Variants in GRM7 observed in about 807,000 individuals in gnomAD.
GRM7 encodes glutamate metabotropic receptor 7.
In GRM7, 35 loss-of-function variants were observed where a neutral mutation model predicts 84.5. The ratio of observed to expected loss-of-function variants is 0.41; its 90% confidence interval spans 0.32 to 0.55. The LOEUF (loss-of-function observed/expected upper bound fraction) is 0.55, where lower values mean the gene tolerates loss of function less well. GRM7 is among the 20% of genes least tolerant of loss of function. The probability of loss-of-function intolerance (pLI) is 0.19; values close to 1 mark genes in which losing one functional copy is unlikely to be tolerated. For synonymous variants in GRM7, 487 were observed against 455.1 expected, an observed-to-expected ratio of 1.07 and a Z score of -0.89; for missense variants, 1,003 against 1,194.6, an observed-to-expected ratio of 0.84 and a Z score of 2.36.
chr3:7,714,651 C>T (rs1270591294), intron 9 of GRM7, among the ~76,000 whole-genome samples: 1 of 152,164 alleles, frequency 6.6e-6, no homozygotes, highest in African/African-American at 2.4e-5. Context: ...CCCAATCTGC[C>T]TAATGCTGAC....
At position 7,188,321 on chromosome 3, in the gene GRM7, G is replaced by A. The variant is rs946750181; in HGVS notation, c.736+41653G>A. Among the ~76,000 whole-genome samples the A allele has an allele frequency of 2.0e-5, 3 of 152,024 alleles. No individual in the cohort carries two copies. The highest frequency in any genetic ancestry group is 4.4e-5 in the Non-Finnish European group (3 of 68,008). On this transcript the variant is annotated intron_variant, in intron 2 of 9. Coordinates refer to ENST00000357716, the MANE Select transcript of GRM7 (RefSeq NM_000844.4). The surrounding 1 kb of genome is among the most constrained non-coding windows in gnomAD (Gnocchi z 4.2). The stretch of plus-strand genomic sequence containing the variant: ...ATAGACCCAAAGAACTTTATAGGTA[G>A]GTATGTTATATAATATAATCTGTAA...
intron 8 of GRM7, among the ~76,000 whole-genome samples, chr3:7,641,532 C>A (rs1479038126): frequency 3.3e-5 from 5 of 152,076 alleles, no homozygotes; most frequent in Non-Finnish European, 5.9e-5. Flanking sequence ...ACTTTGGGAA[C>A]ATGTGAAAAT....
chr3:7,382,752 C>T (rs1362146202), intron 4 of GRM7, among the ~76,000 whole-genome samples: 1 of 152,148 alleles, frequency 6.6e-6, no homozygotes, highest in South Asian at 2.1e-4. Context: ...CCTAAAACAA[C>T]ATTTGAAGAA....
intron 2 of GRM7, among the ~76,000 whole-genome samples, chr3:7,170,754 A>G (rs1694956599): frequency 6.6e-6 from 1 of 152,198 alleles, no homozygotes; most frequent in South Asian, 2.1e-4. Context: ...GGGTAAGGGT[A>G]GTCTGTCAGA....
At chr3:7,290,672 A>T (rs947728382) in intron 2 of GRM7, among the ~76,000 whole-genome samples, 9 of 152,098 alleles carry the variant, frequency 5.9e-5, no homozygotes, top group Non-Finnish European at 1.2e-4. Flanking sequence ...GTGTACTTCC[A>T]CCCCAACCCC....
chr3:7,428,057 A>C (rs1696683052), intron 5 of GRM7, among the ~76,000 whole-genome samples: 1 of 152,208 alleles, frequency 6.6e-6, no homozygotes, highest in South Asian at 2.1e-4. Flanking sequence ...AGAAGCAAAG[A>C]AAAGATACGG....
intron 5 of GRM7, among the ~76,000 whole-genome samples, chr3:7,426,627 T>C (rs1189910336): frequency 6.6e-6 from 1 of 152,172 alleles, no homozygotes; most frequent in African/African-American, 2.4e-5. Context: ...CCTGTCCTTC[T>C]GAGAGACACT....
chr3:6,894,210 A>G (rs1235240127), intron 1 of GRM7, among the ~76,000 whole-genome samples: 1 of 152,184 alleles, frequency 6.6e-6, no homozygotes, highest in Non-Finnish European at 1.5e-5. Context: ...CCCTTGTTAC[A>G]TTGAGATTAA....
chr3:7,436,907 C>T (rs925970242), intron 5 of GRM7, among the ~76,000 whole-genome samples: 1 of 143,682 alleles, frequency 7.0e-6, no homozygotes, highest in Non-Finnish European at 1.6e-5. Flanking sequence ...TATATTCTGG[C>T]CTCAGGTCTT....
chr3:7,035,634 A>C (rs532808412), intron 1 of GRM7, among the ~76,000 whole-genome samples: 1 of 152,324 alleles, frequency 6.6e-6, no homozygotes. Flanking sequence ...GAAAATGGGA[A>C]TGTATCAAAG....
chr3:7,124,222 C>A (rs911329152), intron 1 of GRM7, among the ~76,000 whole-genome samples: 2 of 152,118 alleles, frequency 1.3e-5, no homozygotes, highest in Non-Finnish European at 2.9e-5. Flanking sequence ...CTCCCTGATT[C>A]TGAAAATACT....
At chr3:7,118,960 A>C (rs1257754826) in intron 1 of GRM7, among the ~76,000 whole-genome samples, 3 of 152,154 alleles carry the variant, frequency 2.0e-5, no homozygotes, top group Non-Finnish European at 4.4e-5. Flanking sequence ...CTTGCCTTAA[A>C]ATAATAATTA....
chr3:7,578,804 T>C lies in GRM7; in HGVS notation c.1898T>C (p.Leu633Ser). 6.2e-7 allele frequency: 1 copy of C among 1,614,152 alleles called. No homozygotes were observed. Among genetic ancestry groups the C allele is most frequent in the Non-Finnish European group, 8.5e-7 (1 of 1,180,006 alleles). The change falls in exon 8 of 10, where the codon TTG becomes TCG. Residue 633 changes from leucine (L) to serine (S), a missense_variant. By Grantham distance (145) the Leu-to-Ser change is moderately radical (BLOSUM62 -2). Transcript: ENST00000357716. Reference protein sequence around the residue: ...ASGRELSYVLLTGIFLCYIIT... With the variant: ...ASGRELSYVLSTGIFLCYIIT... ...GGGCGGGAACTCAGCTATGTTCTTT[T>C]GACGGGCATCTTTCTTTGCTACATC...
intron 1 of GRM7, among the ~76,000 whole-genome samples, chr3:7,020,842 CTA>C (rs1419509767): frequency 6.6e-6 from 1 of 152,104 alleles, no homozygotes; most frequent in African/African-American, 2.4e-5. Context: ...AATCTCTTGT[CTA>C]AGAATGCTGA....
chr3:7,014,033 A>C (rs1695476125), intron 1 of GRM7, among the ~76,000 whole-genome samples: 1 of 152,182 alleles, frequency 6.6e-6, no homozygotes, highest in South Asian at 2.1e-4. Flanking sequence ...TAATTCTGAT[A>C]GATTTTTTGG....
chr3:7,134,311 G>C (rs530340602), intron 1 of GRM7, among the ~76,000 whole-genome samples: 6 of 151,916 alleles, frequency 3.9e-5, no homozygotes, highest in Non-Finnish European at 7.4e-5. Flanking sequence ...TAAAAAAATG[G>C]GATGAGACAA....
chr3:7,164,859 ATC>A (rs1315021435), intron 2 of GRM7, among the ~76,000 whole-genome samples: 1 of 152,198 alleles, frequency 6.6e-6, no homozygotes, highest in Non-Finnish European at 1.5e-5. Flanking sequence ...AGGAGAGAAG[ATC>A]TGGTTAGGTC....
chr3:7,464,905 A>G (rs1698400460), intron 7 of GRM7, among the ~76,000 whole-genome samples: 1 of 151,728 alleles, frequency 6.6e-6, no homozygotes. Context: ...CTGAGGCAGG[A>G]TAATCGCTTG....
Position 6,867,672 on chromosome 3 carries a change from C to T in GRM7, c.519+5765C>T, listed in dbSNP as rs1694982736. 2.0e-5 allele frequency among the ~76,000 whole-genome samples: 3 copies of T among 152,254 alleles called. No homozygotes were observed. The South Asian group carries it at 6.2e-4, about 32-fold the overall frequency. On this transcript the variant is annotated intron_variant, in intron 1 of 9. Coordinates refer to ENST00000357716, the MANE Select transcript of GRM7 (RefSeq NM_000844.4). ...ATTAAAAACAGCTGCAAACATATTT[C>T]CCAACCACTAAAATGCATATATGAT...
Sources: allele counts gnomAD v4.1 joint callset (sites outside exome capture counted in the v4.1 genomes callset), GRCh38; gene constraint gnomAD v4.1.1; non-coding constraint Gnocchi (gnomAD v3.1); transcripts MANE v1.5; gene names NCBI Gene and HGNC (gene_info 2026-07-23, HGNC 2026-07-21).